GPR132: variants seen among roughly 807,000 people sequenced by gnomAD.
GPR132 encodes the protein probable G protein-coupled receptor 132.
GPR132 carries 4 observed loss-of-function variants against 1.9 expected under a neutral mutation model. The observed-to-expected ratio is 2.13, with a 90% CI of 1.05 to 4.87. The LOEUF (loss-of-function observed/expected upper bound fraction) is 4.87, where lower values mean the gene tolerates loss of function less well. Ranked by LOEUF, GPR132 falls within the 30% of genes most tolerant of loss-of-function variation. GPR132 has a pLI of 0.01. For synonymous variants in GPR132, 233 were observed against 234.2 expected (o/e 0.99, Z 0.05); for missense variants, 404 against 512.5 (o/e 0.79, Z 2.04).
intron 3 of GPR132, chr14:105,053,914 A>G: frequency 8.8e-7 from 1 of 1,131,616 alleles, no homozygotes; most frequent in Non-Finnish European, 1.1e-6. Flanking sequence ...AGGAGATCAA[A>G]GTGATCTCAG....
chr14:105,049,742 T>G lies in GPR132; in HGVS notation c.*1252A>C, dbSNP rs1228244411. 1 of 152,304 alleles carries G rather than the reference T, an allele frequency of 6.6e-6. No homozygotes were observed. The highest frequency in any genetic ancestry group is 1.5e-5 in the Non-Finnish European group (1 of 68,128). 9.4% of individuals were successfully genotyped at this position (152,304 alleles called of 1,614,324 possible). On this transcript the variant is annotated 3_prime_UTR_variant, in exon 4 of 4. Coordinates refer to ENST00000329797, the MANE Select transcript of GPR132 (RefSeq NM_013345.4). ...CTGCAGTGAGCTATGATGGTGCCAC[T>G]GTTCTCCAGCCCAGGCAACAGAGCA...
rs147224907 is a variant in GPR132, at chr14:105,063,131, G to A, written c.-861+2248C>T. ...AGACGAGGTTTCCCTATGTTACCCAGGCTGGTCTCGAGCTCCTGGGCTCAA... is the reference window on the plus strand; with the variant it reads ...AGACGAGGTTTCCCTATGTTACCCAAGCTGGTCTCGAGCTCCTGGGCTCAA... On this transcript the variant is annotated intron_variant, in intron 1 of 3. Transcript: ENST00000329797. Among the ~76,000 whole-genome samples the A allele has an allele frequency of 7.7e-3, 1,175 of 152,254 alleles. 15 individuals carry two copies. The highest frequency in any genetic ancestry group is 0.013 in the Non-Finnish European group (883 of 68,010).
chr14:105,061,764 G>A (rs1886950201), intron 1 of GPR132, among the ~76,000 whole-genome samples: 1 of 152,140 alleles, frequency 6.6e-6, no homozygotes, highest in Admixed American at 6.5e-5. Context: ...GTCCCTCCTG[G>A]GCTGTGCATG....
At chr14:105,058,535 G>A (rs931510410) in intron 1 of GPR132, among the ~76,000 whole-genome samples, 3 of 152,264 alleles carry the variant, frequency 2.0e-5, no homozygotes, top group Admixed American at 1.3e-4. Flanking sequence ...ATGGGTGCCC[G>A]TACACGGGAC....
intron 3 of GPR132, chr14:105,054,427 C>A: frequency 1.2e-6 from 1 of 862,664 alleles, no homozygotes; most frequent in South Asian, 5.3e-5. Context: ...CTTTTTTTTT[C>A]TTTTTTTTTT....
chr14:105,058,768 G>T (rs1478001029), intron 1 of GPR132, among the ~76,000 whole-genome samples: 1 of 152,244 alleles, frequency 6.6e-6, no homozygotes, highest in East Asian at 1.9e-4. Flanking sequence ...CATGCAGGGG[G>T]GTGGCGCAAG....
chr14:105,058,498 T>G (rs1412717536), intron 1 of GPR132, among the ~76,000 whole-genome samples: 1 of 152,288 alleles, frequency 6.6e-6, no homozygotes, highest in East Asian at 1.9e-4. Flanking sequence ...AAAGACCTTT[T>G]AAACTCATAG....
rs775295523 is a variant in GPR132 at position 105,051,297 on chromosome 14, G to T, written c.840C>A (p.Cys280Ter). The T allele has an allele frequency of 6.2e-7, 1 of 1,613,836 alleles. No homozygotes were observed. The highest frequency in any genetic ancestry group is 1.3e-5 in the African/African-American group (1 of 74,936). Reference protein sequence around the residue: ...SYYRGDRNAMCGLEERLYTAS... With the variant: ...SYYRGDRNAM ...CTGTGTACAGCCTTTCCTCCAAGCC[G>T]CACATGGCGTTCCTGTCTCCTCTGT... Residue 280 changes from cysteine to a stop codon, truncating the protein, a stop_gained, in exon 4 of 4, where the codon TGC (cysteine) becomes TGA (stop). Coordinates refer to ENST00000329797, the MANE Select transcript of GPR132 (RefSeq NM_013345.4). LOFTEE classifies it low-confidence loss of function (END_TRUNC). The surrounding 1 kb of genome is among the most constrained non-coding windows in gnomAD (Gnocchi z 8.0).
chr14:105,051,606 C>G lies in GPR132; in HGVS notation c.531G>C (p.Val177=). 6.2e-7 allele frequency: 1 copy of G among 1,614,020 alleles called. No individual in the cohort carries two copies. The highest frequency in any genetic ancestry group is 1.1e-5 in the South Asian group (1 of 91,092). Residue 177 remains valine (V), a synonymous_variant, in exon 4 of 4, where the codon GTG becomes GTC. Coordinates refer to ENST00000329797, the MANE Select transcript of GPR132 (RefSeq NM_013345.4). The surrounding 1 kb of genome is among the most constrained non-coding windows in gnomAD (Gnocchi z 8.0). ...AGGTCTCCTTGTCTTCCGTCTGGAA[C>G]ACCGGGTAGTGAACGATCCCGACGA... ...FILVGIVHYP[V]FQTEDKETCF... is the part of the protein sequence containing the mutation.
chr14:105,057,731 C>T (rs1181730622), intron 1 of GPR132, among the ~76,000 whole-genome samples: 2 of 150,604 alleles, frequency 1.3e-5, no homozygotes, highest in African/African-American at 4.9e-5. Flanking sequence ...CTCTGTTGCC[C>T]AGGCTGGAGT....
Position 105,052,055 on chromosome 14 carries a change from G to A in GPR132, c.82C>T (p.Leu28Phe), listed in dbSNP as rs764162851. The A allele has an allele frequency of 2.6e-5, 42 of 1,600,356 alleles. No homozygotes were observed. The highest frequency in any genetic ancestry group is 3.5e-5 in the Non-Finnish European group (41 of 1,176,904). The change falls in exon 4 of 4, where the codon CTC becomes TTC. Residue 28 changes from leucine (L) to phenylalanine (F), a missense_variant. Leu to Phe is a conservative substitution (Grantham distance 22). Coordinates refer to ENST00000329797, the MANE Select transcript of GPR132 (RefSeq NM_013345.4). ...ACGTTGTTGCAGGTCTTGGCGGAGA[G>A]GCCCAGGGAGGCCCACGGGGCAGTG... ...TTTAPWASLGLSAKTCNNVSF... is the reference protein window; with the variant it reads ...TTTAPWASLGFSAKTCNNVSF...
At chr14:105,063,691 T>C (rs868699620) in intron 1 of GPR132, among the ~76,000 whole-genome samples, 1 of 151,828 alleles carries the variant, frequency 6.6e-6, no homozygotes, top group Middle Eastern at 3.2e-3. Flanking sequence ...TTGTAACTTA[T>C]GATGGAACTT....
In GPR132 at chr14:105,050,870, C is replaced by G; in HGVS notation, c.*124G>C. On this transcript the variant is annotated 3_prime_UTR_variant, in exon 4 of 4. Transcript: ENST00000329797. This position sits in a 1 kb window ranked among gnomAD's most constrained non-coding sequence, Gnocchi z 4.0. Reference sequence around the variant, plus strand: ...GTCACGGAGGGAGTGGCTTCAGGAACGAGAAATTGGTAGTTTGTCTTCCAG... The same window carrying G: ...GTCACGGAGGGAGTGGCTTCAGGAAGGAGAAATTGGTAGTTTGTCTTCCAG... 1.1e-6 allele frequency: 1 copy of G among 894,760 alleles called. No homozygotes were observed. Among genetic ancestry groups the G allele is most frequent in the Non-Finnish European group, 1.7e-6 (1 of 594,508 alleles). 55.4% of individuals were successfully genotyped at this position (894,760 alleles called of 1,614,324 possible). A position where few individuals can be genotyped will look rare whatever the true frequency, so the allele number is the denominator to read the frequency against.
chr14:105,054,454 C>G, intron 3 of GPR132: 1 of 934,128 alleles, frequency 1.1e-6, no homozygotes, highest in South Asian at 5.0e-5. Flanking sequence ...GACGTAGTCT[C>G]AAAAAACTGT....
In GPR132 at chr14:105,050,570, C is replaced by T. The variant is rs1397032240; in HGVS notation, c.*424G>A. ...GCTCACTGACATTCTGAGGCAGGAGCCCAGAGGGCCCACAATGCACCACCG... is the reference window on the plus strand; with the variant it reads ...GCTCACTGACATTCTGAGGCAGGAGTCCAGAGGGCCCACAATGCACCACCG... On this transcript the variant is annotated 3_prime_UTR_variant, in exon 4 of 4. Coordinates refer to ENST00000329797, the MANE Select transcript of GPR132 (RefSeq NM_013345.4). The surrounding 1 kb of genome is among the most constrained non-coding windows in gnomAD (Gnocchi z 4.0). 1.5e-5 allele frequency: 3 copies of T among 204,020 alleles called. No individual in the cohort carries two copies. Among genetic ancestry groups the T allele is most frequent in the Middle Eastern group, 4.1e-3 (2 of 486 alleles). 12.6% of individuals were successfully genotyped at this position (204,020 alleles called of 1,614,324 possible). A position where few individuals can be genotyped will look rare whatever the true frequency, so the allele number is the denominator to read the frequency against.
chr14:105,051,746 G>A lies in GPR132; in HGVS notation c.391C>T (p.Leu131Phe). Reference protein sequence around the residue: ...IFFCNIYVSILFLCCISCDRF... With the variant: ...IFFCNIYVSIFFLCCISCDRF... ...TCGCAGGAGATGCAGCACAGGAAGAGGATGCTGACGTAGATGTTGCAGAAG... is the reference window on the plus strand; with the variant it reads ...TCGCAGGAGATGCAGCACAGGAAGAAGATGCTGACGTAGATGTTGCAGAAG... Residue 131 changes from leucine to phenylalanine, a missense_variant, in exon 4 of 4, where the codon CTC becomes TTC. Transcript: ENST00000329797. This position sits in a 1 kb window ranked among gnomAD's most constrained non-coding sequence, Gnocchi z 8.0. 1 of 1,614,172 alleles carries A rather than the reference G, an allele frequency of 6.2e-7. No homozygotes were observed. The highest frequency in any genetic ancestry group is 8.5e-7 in the Non-Finnish European group (1 of 1,180,052).
rs1340175870 is a variant in GPR132 at position 105,051,092 on chromosome 14, A to C, written c.1045T>G (p.Ser349Ala). 6.2e-7 allele frequency: 1 copy of C among 1,614,134 alleles called. No homozygotes were observed. The highest frequency in any genetic ancestry group is 8.5e-7 in the Non-Finnish European group (1 of 1,180,002). ...TAGTGGTCTGCAAGGGCCACGGGCGACTGCAGCTCCTCGGTGTCCCTGCTG... is the reference window on the plus strand; with the variant it reads ...TAGTGGTCTGCAAGGGCCACGGGCGCCTGCAGCTCCTCGGTGTCCCTGCTG... ...THSRDTEELQ[S>A]PVALADHYTF... is the part of the protein sequence containing the mutation. The change falls in exon 4 of 4, where the codon TCG becomes GCG. Residue 349 changes from serine to alanine, a missense_variant. By Grantham distance (99) the Ser-to-Ala change is moderately conservative. Coordinates refer to ENST00000329797, the MANE Select transcript of GPR132 (RefSeq NM_013345.4). The surrounding 1 kb of genome is among the most constrained non-coding windows in gnomAD (Gnocchi z 8.0).
At chr14:105,063,249 C>G (rs1886996935) in intron 1 of GPR132, among the ~76,000 whole-genome samples, 1 of 150,528 alleles carries the variant, frequency 6.6e-6, no homozygotes, top group African/African-American at 2.5e-5. Context: ...ATTAGAGAAG[C>G]ACCACATGTT....
In GPR132 at chr14:105,051,378, G is replaced by C; in HGVS notation, c.759C>G (p.Val253=). ...SAIAVVVIFL[V]CFAPYHLVLL... Reference sequence around the variant, plus strand: ...GAACCAGGTGGTACGGGGCGAAGCAGACTAGGAAGATGACAACCACCGCGA... The same window carrying C: ...GAACCAGGTGGTACGGGGCGAAGCACACTAGGAAGATGACAACCACCGCGA... Residue 253 remains valine (V), a synonymous_variant, in exon 4 of 4, where the codon GTC becomes GTG. Transcript: ENST00000329797. This position sits in a 1 kb window ranked among gnomAD's most constrained non-coding sequence, Gnocchi z 8.0. 1 of 1,614,088 alleles carries C rather than the reference G, an allele frequency of 6.2e-7. No individual in the cohort carries two copies. Among genetic ancestry groups the C allele is most frequent in the Non-Finnish European group, 8.5e-7 (1 of 1,179,950 alleles).
Sources: gnomAD v4.1 joint callset for allele counts (sites outside exome capture counted in the v4.1 genomes callset) on GRCh38, gnomAD v4.1.1 for gene constraint, Gnocchi (gnomAD v3.1) non-coding constraint, MANE v1.5 for transcripts, NCBI Gene and HGNC (gene_info 2026-07-23, HGNC 2026-07-21) for gene names.